The following RBM39 variants were observed in gnomAD, a reference collection of about 807,000 sequenced individuals.
The protein encoded by RBM39 is RNA-binding protein 39.
In RBM39, 12 loss-of-function variants were observed where a neutral mutation model predicts 79.6. That is an observed-to-expected ratio of 0.15 (90% CI 0.10 to 0.24). The LOEUF (loss-of-function observed/expected upper bound fraction) is 0.24, where lower values mean the gene tolerates loss of function less well. Ranked by LOEUF, RBM39 falls within the 10% of genes least tolerant of loss-of-function variation. The pLI is 1.00. For missense variants in RBM39, 243 were observed against 653.4 expected (o/e 0.37, Z 6.85); for synonymous variants, 185 against 208.4 (o/e 0.89, Z 0.97).
At chr20:35,737,424 G>C (rs2040052786) in intron 3 of RBM39, among the ~76,000 whole-genome samples, 1 of 151,390 alleles carries the variant, frequency 6.6e-6, no homozygotes, top group Non-Finnish European at 1.5e-5. Context: ...GCCAGGCGTG[G>C]TGGCAGGAAC....
chr20:35,724,727 A>G lies in RBM39; in HGVS notation c.535-5T>C, dbSNP rs2038429277. The G allele has an allele frequency of 1.9e-6, 3 of 1,613,550 alleles. No homozygotes were observed. Among genetic ancestry groups the G allele is most frequent in the South Asian group, 1.1e-5 (1 of 91,008 alleles). On this transcript the variant is annotated splice_polypyrimidine_tract_variant and splice_region_variant and intron_variant, in intron 7 of 16. Coordinates refer to ENST00000253363, the MANE Select transcript of RBM39 (RefSeq NM_184234.3). ...AATCATCCTCACATCTCGAACCTAG[A>G]AAGAAAACACAGTTGTTTGTGCAAA...
At chr20:35,709,317 G>A in intron 12 of RBM39, 43 bp from the exon 13 acceptor site, 1 of 1,490,054 alleles carries the variant, frequency 6.7e-7, no homozygotes, top group Non-Finnish European at 9.1e-7. Context: ...CAACTAACAG[G>A]GTAAATGTCA....
chr20:35,737,389 CAAA>C (rs58047560), intron 3 of RBM39, among the ~76,000 whole-genome samples: 4 of 62,236 alleles, frequency 6.4e-5, no homozygotes, highest in Non-Finnish European at 3.3e-5. Flanking sequence ...AACTCCATCT[CAAA>C]AAAAAAAAAA....
In RBM39 at chr20:35,704,834, T is replaced by G. The variant is rs113363776; in HGVS notation, c.1414-88A>C. On this transcript the variant is annotated intron_variant, in intron 15 of 16. Transcript: ENST00000253363. ...TTTATTCAAGTTGCCTGTAGAAACT[T>G]AGTGCTCTATAACCACAAACTGGTT... 4.1e-5 allele frequency: 45 copies of G among 1,094,756 alleles called. 1 individual carries two copies. The African/African-American group carries it at 6.4e-4, about 16-fold the overall frequency. The allele number at this position is 1,094,756 out of a possible 1,614,324, so 67.8% of individuals were successfully genotyped here.
chr20:35,727,928 C>T (rs968099098), intron 6 of RBM39, among the ~76,000 whole-genome samples: 13 of 151,944 alleles, frequency 8.6e-5, no homozygotes, highest in African/African-American at 2.7e-4. Flanking sequence ...GGATTACAGG[C>T]GTGAGCCACC....
intron 2 of RBM39, 22 bp from the exon 3 acceptor site, chr20:35,739,039 ACAT>A (rs2040268344): frequency 6.3e-7 from 1 of 1,594,700 alleles, no homozygotes; most frequent in Non-Finnish European, 8.6e-7. Flanking sequence ...TGATAGAAGA[ACAT>A]CATGAGGACG....
intron 6 of RBM39, among the ~76,000 whole-genome samples, chr20:35,726,403 T>C (rs1037671260): frequency 9.2e-5 from 14 of 152,204 alleles, no homozygotes; most frequent in African/African-American, 3.4e-4. Context: ...AGTACTCGGA[T>C]TGTAGGCGTC....
chr20:35,739,084 A>C (rs1399987838), intron 2 of RBM39, 67 bp from the exon 3 acceptor site: 3 of 1,264,316 alleles, frequency 2.4e-6, no homozygotes, highest in South Asian at 1.2e-5. Context: ...TCAAAGGGTA[A>C]AGGGAACAGG....
At chr20:35,720,049 A>G (rs2037710452) in intron 9 of RBM39, 1 of 234,480 alleles carries the variant, frequency 4.3e-6, no homozygotes, top group South Asian at 3.6e-5. Context: ...TCCCAAACAA[A>G]GAGATGGGAT....
Position 35,701,487 on chromosome 20 carries a change from C to T in RBM39, c.*2994G>A, listed in dbSNP as rs1301200314. The T allele has an allele frequency of 6.5e-6, 1 of 152,982 alleles. No homozygotes were observed. Among genetic ancestry groups the T allele is most frequent in the Admixed American group, 6.5e-5 (1 of 15,384 alleles). 9.5% of individuals were successfully genotyped at this position (152,982 alleles called of 1,614,324 possible). A position where few individuals can be genotyped will look rare whatever the true frequency, so the allele number is the denominator to read the frequency against. On this transcript the variant is annotated 3_prime_UTR_variant, in exon 17 of 17. Coordinates refer to ENST00000253363, the MANE Select transcript of RBM39 (RefSeq NM_184234.3). ...TGTATTGTTAGGCTGGGCGCGGTGG[C>T]TTATGCCTGTAATCCCAGCACTTTG...
At chr20:35,716,965 A>T (rs2037211357) in intron 9 of RBM39, among the ~76,000 whole-genome samples, 160 bp from the exon 10 acceptor site, 1 of 151,912 alleles carries the variant, frequency 6.6e-6, no homozygotes, top group Non-Finnish European at 1.5e-5. Context: ...AAGTCTAGAA[A>T]CTATAATTTT....
chr20:35,712,053 T>C (rs545612455), intron 12 of RBM39, among the ~76,000 whole-genome samples: 6 of 151,808 alleles, frequency 4.0e-5, no homozygotes, highest in Non-Finnish European at 7.4e-5. Flanking sequence ...TGAGACTCCA[T>C]CCCCCACCAA....
intron 12 of RBM39, among the ~76,000 whole-genome samples, chr20:35,711,108 A>C (rs1185279328): frequency 6.6e-6 from 1 of 152,216 alleles, no homozygotes; most frequent in Non-Finnish European, 1.5e-5. Context: ...AAATCAACGT[A>C]TCTGATACAG....
At chr20:35,709,796 T>A (rs1193885333) in intron 12 of RBM39, among the ~76,000 whole-genome samples, 1 of 152,198 alleles carries the variant, frequency 6.6e-6, no homozygotes, top group East Asian at 1.9e-4. Flanking sequence ...ACAGTATGCA[T>A]ATATTATTTT....
intron 3 of RBM39, chr20:35,736,585 C>CA: frequency 4.3e-6 from 2 of 470,214 alleles, no homozygotes; most frequent in South Asian, 3.1e-5. Flanking sequence ...GGAAAAGAGC[C>CA]AAAAAGAAAT....
chr20:35,722,022 A>C (rs1356067721), intron 8 of RBM39, 145 bp from the exon 9 acceptor site: 1 of 902,772 alleles, frequency 1.1e-6, no homozygotes, highest in Non-Finnish European at 1.6e-6. Flanking sequence ...TCAACTTAAT[A>C]GGAGGCATCT....
chr20:35,722,648 G>C (rs908693354), intron 8 of RBM39, among the ~76,000 whole-genome samples: 2 of 151,488 alleles, frequency 1.3e-5, no homozygotes. Context: ...AAAGTAAGCA[G>C]GCTGGCCGGG....
chr20:35,721,936 C>G, intron 8 of RBM39, 59 bp from the exon 9 acceptor site: 1 of 1,537,714 alleles, frequency 6.5e-7, no homozygotes, highest in Non-Finnish European at 8.9e-7. Context: ...AGACATACAC[C>G]TTCCATTTGC....
At chr20:35,716,093 T>C (rs1359636983) in intron 10 of RBM39, among the ~76,000 whole-genome samples, 5 of 151,562 alleles carry the variant, frequency 3.3e-5, no homozygotes, top group Non-Finnish European at 7.4e-5. Context: ...CAAGGCAGAG[T>C]CTTACTCTGT....
Sources: gnomAD v4.1 joint callset for allele counts (sites outside exome capture counted in the v4.1 genomes callset) on GRCh38, gnomAD v4.1.1 for gene constraint, MANE v1.5 for transcripts, NCBI Gene and HGNC (gene_info 2026-07-23, HGNC 2026-07-21) for gene names.